The following SMPD3 variants were observed in gnomAD, a reference collection of about 807,000 sequenced individuals.
The protein encoded by SMPD3 is nSMase-2.
SMPD3 carries 21 observed loss-of-function variants against 55.7 expected under a neutral mutation model. The observed-to-expected ratio is 0.38, with a 90% confidence interval of 0.27 to 0.54. The LOEUF is 0.54. SMPD3 is among the 20% of genes least tolerant of loss of function. The pLI, the probability that SMPD3 is intolerant of heterozygous loss-of-function variation, is 0.80. For missense variants in SMPD3, 842 were observed against 899.6 expected, an observed-to-expected ratio of 0.94 and a Z score of 0.82; for synonymous variants, 457 against 404.3, an observed-to-expected ratio of 1.13 and a Z score of -1.56.
chr16:68,418,471 A>G (rs2090357326), intron 1 of SMPD3, among the ~76,000 whole-genome samples: 1 of 152,242 alleles, frequency 6.6e-6, no homozygotes, highest in Non-Finnish European at 1.5e-5. Flanking sequence ...ATCTGATATA[A>G]AAAGAATTGC....
rs529439857 is a variant in SMPD3, at chr16:68,372,054, T to G, written c.128A>C (p.Tyr43Ser). 2 of 1,608,576 alleles carry G rather than the reference T, an allele frequency of 1.2e-6. No homozygotes were observed. Among genetic ancestry groups the G allele is most frequent in the South Asian group, 2.2e-5 (2 of 90,078 alleles). Residue 43 changes from tyrosine to serine, a missense_variant, in exon 3 of 9, where the codon TAC (tyrosine) becomes TCC (serine). Tyr to Ser is a moderately radical substitution (Grantham distance 144). Around this residue, in one of 2 missense-constraint regions of SMPD3, gnomAD observed 193 missense variants for 256.0 expected, o/e 0.75. Coordinates refer to ENST00000219334, the MANE Select transcript of SMPD3 (RefSeq NM_018667.4). ...GTCGTCTGCCCGCTGGCGCTTCTCG[T>G]AGGTGGTGGGTATGAAGGAGGCAGC... Reference protein sequence around the residue: ...RLAASFIPTTYEKRQRADDPC... With the variant: ...RLAASFIPTTSEKRQRADDPC...
Position 68,372,304 on chromosome 16 carries a change from T to C in SMPD3, c.-123A>G. The C allele has an allele frequency of 7.7e-7, 1 of 1,291,512 alleles. No homozygotes were observed. Among genetic ancestry groups the C allele is most frequent in the Non-Finnish European group, 1.1e-6 (1 of 931,474 alleles). 80.0% of individuals were successfully genotyped at this position (1,291,512 alleles called of 1,614,324 possible). On this transcript the variant is annotated 5_prime_UTR_variant, in exon 3 of 9. Coordinates refer to ENST00000219334, the MANE Select transcript of SMPD3 (RefSeq NM_018667.4). ...GAGGAGGGGTCACCTCCTGGCGAGA[T>C]GCAACTCCGGCTGGTCAATGGCGAA...
intron 1 of SMPD3, among the ~76,000 whole-genome samples, chr16:68,395,649 C>G (rs2090149474): frequency 6.6e-6 from 1 of 152,118 alleles, no homozygotes; most frequent in South Asian, 2.1e-4. Context: ...TGAGTGGCAG[C>G]TAGCTGAGCA....
chr16:68,397,201 GT>G (rs2090164890), intron 1 of SMPD3, among the ~76,000 whole-genome samples: 1 of 152,170 alleles, frequency 6.6e-6, no homozygotes. Flanking sequence ...GCACCCATAG[GT>G]AAGGGAGGAA....
intron 1 of SMPD3, among the ~76,000 whole-genome samples, chr16:68,394,179 T>C (rs997505673): frequency 1.3e-5 from 2 of 152,216 alleles, no homozygotes; most frequent in African/African-American, 4.8e-5. Context: ...TCCTGATGTC[T>C]CCTTTATGTG....
intron 1 of SMPD3, among the ~76,000 whole-genome samples, chr16:68,390,724 C>T (rs550821250): frequency 1.0e-3 from 157 of 152,278 alleles, no homozygotes; most frequent in Admixed American, 1.9e-3. Flanking sequence ...ACGTCTCAGC[C>T]TCATTTTACC....
intron 1 of SMPD3, among the ~76,000 whole-genome samples, chr16:68,402,559 G>A (rs143637304): frequency 6.6e-5 from 10 of 152,198 alleles, no homozygotes; most frequent in African/African-American, 1.7e-4. Context: ...CATGGTAGGC[G>A]CTGTGCCTGA....
At chr16:68,419,892 G>A (rs900011944) in intron 1 of SMPD3, among the ~76,000 whole-genome samples, 7 of 152,068 alleles carry the variant, frequency 4.6e-5, no homozygotes, top group Non-Finnish European at 8.8e-5. Flanking sequence ...TGGGAACTTG[G>A]AGGTCACTTT....
Position 68,358,967 on chromosome 16 carries a change from T to G in SMPD3, c.*2239A>C, listed in dbSNP as rs1371065064. ...TGTGCGGGGGCCTGGGGGCCGCACATCCTTACTCTGGACCCCAGGACCTGA... is the reference window on the plus strand; with the variant it reads ...TGTGCGGGGGCCTGGGGGCCGCACAGCCTTACTCTGGACCCCAGGACCTGA... On this transcript the variant is annotated 3_prime_UTR_variant, in exon 9 of 9. Transcript: ENST00000219334. The G allele has an allele frequency of 9.2e-5, 14 of 152,678 alleles. No homozygotes were observed. The East Asian group carries it at 2.7e-3, about 29-fold the overall frequency. 9.5% of individuals were successfully genotyped at this position (152,678 alleles called of 1,614,324 possible). A position where few individuals can be genotyped will look rare whatever the true frequency, so the allele number is the denominator to read the frequency against.
chr16:68,360,008 A>C lies in SMPD3; in HGVS notation c.*1198T>G, dbSNP rs901551409. On this transcript the variant is annotated 3_prime_UTR_variant, in exon 9 of 9. Coordinates refer to ENST00000219334, the MANE Select transcript of SMPD3 (RefSeq NM_018667.4). The stretch of plus-strand genomic sequence containing the variant: ...TGCTGCCCCAGCTTGCGCACTGGTG[A>C]GGGCCAGGCTGCTCTCTGCACCTTG... 6 of 152,628 alleles carry C rather than the reference A, an allele frequency of 3.9e-5. No homozygotes were observed. The highest frequency in any genetic ancestry group is 8.8e-5 in the Non-Finnish European group (6 of 68,218). 9.5% of individuals were successfully genotyped at this position (152,628 alleles called of 1,614,324 possible).
intron 1 of SMPD3, among the ~76,000 whole-genome samples, chr16:68,419,728 T>G (rs996939018): frequency 6.6e-6 from 1 of 152,124 alleles, no homozygotes; most frequent in African/African-American, 2.4e-5. Flanking sequence ...ATGAACCCCA[T>G]GTAATGATGA....
chr16:68,445,271 G>A (rs1597674824), intron 1 of SMPD3, among the ~76,000 whole-genome samples: 1 of 152,216 alleles, frequency 6.6e-6, no homozygotes, highest in East Asian at 1.9e-4. Flanking sequence ...CAGGGAAAGA[G>A]GAGAAAAGAG....
chr16:68,401,111 A>AG, intron 1 of SMPD3, among the ~76,000 whole-genome samples: 1 of 152,344 alleles, frequency 6.6e-6, no homozygotes, highest in East Asian at 1.9e-4. Flanking sequence ...TGAACCACCC[A>AG]GGCCAGCATC....
chr16:68,441,767 T>G (rs974837280), intron 1 of SMPD3, among the ~76,000 whole-genome samples: 3 of 152,114 alleles, frequency 2.0e-5, no homozygotes, highest in African/African-American at 4.8e-5. Flanking sequence ...TTTTAAAAAT[T>G]TTTTAAATTA....
At chr16:68,414,028 C>T (rs563183505) in intron 1 of SMPD3, among the ~76,000 whole-genome samples, 4 of 152,276 alleles carry the variant, frequency 2.6e-5, no homozygotes, top group African/African-American at 4.8e-5. Flanking sequence ...CTGAGGATGG[C>T]GCTGCCAGAC....
intron 1 of SMPD3, among the ~76,000 whole-genome samples, chr16:68,388,410 G>A (rs1395541943): frequency 2.0e-5 from 3 of 152,144 alleles, no homozygotes; most frequent in Non-Finnish European, 4.4e-5. Flanking sequence ...CCCTCTTGCT[G>A]GGCTGACCTG....
At chr16:68,425,757 C>T (rs1178385529) in intron 1 of SMPD3, among the ~76,000 whole-genome samples, 2 of 152,126 alleles carry the variant, frequency 1.3e-5, no homozygotes, top group Admixed American at 6.5e-5. Context: ...GGCCTCGGGC[C>T]AGCCCAGGCT....
chr16:68,360,230 G>A lies in SMPD3; in HGVS notation c.*976C>T, dbSNP rs1396171407. 1 of 152,534 alleles carries A rather than the reference G, an allele frequency of 6.6e-6. No individual in the cohort carries two copies. Among genetic ancestry groups the A allele is most frequent in the African/African-American group, 2.4e-5 (1 of 41,472 alleles). The allele number at this position is 152,534 out of a possible 1,614,324, so 9.4% of individuals were successfully genotyped here. A position where few individuals can be genotyped will look rare whatever the true frequency, so the allele number is the denominator to read the frequency against. Reference sequence around the variant, plus strand: ...AACCAGAGAGGTGTCCCGTGGGGGAGAGGATTGGCAGAAAGAAGAGGATGT... The same window carrying A: ...AACCAGAGAGGTGTCCCGTGGGGGAAAGGATTGGCAGAAAGAAGAGGATGT... On this transcript the variant is annotated 3_prime_UTR_variant, in exon 9 of 9. Transcript: ENST00000219334.
chr16:68,370,979 C>G lies in SMPD3; in HGVS notation c.1203G>C (p.Lys401Asn). 6.2e-7 allele frequency: 1 copy of G among 1,614,070 alleles called. No homozygotes were observed. The highest frequency in any genetic ancestry group is 8.5e-7 in the Non-Finnish European group (1 of 1,180,022). ...CAAAGAGGAGGCCGCTGTTGAGACA[C>G]TTGAAGCTGCAGCAGCCCTGGCAGC... ...VYGCQGCCSF[K>N]CLNSGLLFAS... Residue 401 changes from lysine to asparagine, a missense_variant, in exon 3 of 9, where the codon AAG becomes AAC. Transcript: ENST00000219334.
Sources: allele counts gnomAD v4.1 joint callset (sites outside exome capture counted in the v4.1 genomes callset), GRCh38; gene constraint gnomAD v4.1.1; regional missense constraint gnomAD v4.1.1; transcripts MANE v1.5; gene names NCBI Gene and HGNC (gene_info 2026-07-23, HGNC 2026-07-21).